Variants in AGO2 observed in about 807,000 individuals in gnomAD.
AGO2 encodes argonaute RISC catalytic component 2.
Under a neutral mutation model 102.3 loss-of-function variants are expected in AGO2, and 5 were observed. The observed-to-expected ratio is 0.05, with a 90% CI of 0.03 to 0.10. The LOEUF is 0.10. Ranked by LOEUF, AGO2 falls within the 10% of genes least tolerant of loss-of-function variation. AGO2 has a pLI of 1.00. For synonymous variants in AGO2, 449 were observed against 473.1 expected, an observed-to-expected ratio of 0.95 and a Z score of 0.66; for missense variants, 541 against 1,183.7, an observed-to-expected ratio of 0.46 and a Z score of 7.97.
At chr8:140,610,670 AC>A (rs1451500552) in intron 1 of AGO2, among the ~76,000 whole-genome samples, 1 of 152,240 alleles carries the variant, frequency 6.6e-6, no homozygotes, top group African/African-American at 2.4e-5. Flanking sequence ...AAAAGAGAAC[AC>A]GGGCCCAGCC....
rs2073177586 is a variant in AGO2, at chr8:140,560,317, A to AC, written c.655+56dup. ...ATGCCACCCCCCGACCGGGGTCCTGACCCCCCAGCCCATGCCCAACCCTGC... is the reference window on the plus strand; with the variant it reads ...ATGCCACCCCCCGACCGGGGTCCTGACCCCCCCAGCCCATGCCCAACCCTGC... On this transcript the variant is annotated intron_variant, in intron 5 of 18. Transcript: ENST00000220592. The AC allele has an allele frequency of 3.8e-6, 6 of 1,580,690 alleles. No individual in the cohort carries two copies. The African/African-American group carries it at 4.1e-5, about 11-fold the overall frequency.
In AGO2 at chr8:140,544,323, C is replaced by A; in HGVS notation, c.1749-20G>T. 2 of 1,591,214 alleles carry A rather than the reference C, an allele frequency of 1.3e-6. No individual in the cohort carries two copies. The highest frequency in any genetic ancestry group is 1.7e-6 in the Non-Finnish European group (2 of 1,171,030). ...GGCGGCCTGCGGAGAGGAGTGGCGT[C>A]AGGGGCCACGGTGAGACACGCCTGG... is the stretch of plus-strand genomic sequence containing the variant. On this transcript the variant is annotated intron_variant, in intron 13 of 18. Coordinates refer to ENST00000220592, the MANE Select transcript of AGO2 (RefSeq NM_012154.5).
Position 140,531,648 on chromosome 8 carries a change from T to A in AGO2, c.*396A>T. ...TGTGTTGCTTTCACTCTCAGAAGAT[T>A]CACAGCTAGTTTGAGCCCATCAATT... On this transcript the variant is annotated 3_prime_UTR_variant, in exon 19 of 19. Transcript: ENST00000220592. 6.0e-6 allele frequency: 1 copy of A among 165,708 alleles called. No individual in the cohort carries two copies. The highest frequency in any genetic ancestry group is 1.4e-4 in the South Asian group (1 of 7,038). The allele number at this position is 165,708 out of a possible 1,614,324, so 10.3% of individuals were successfully genotyped here.
At position 140,541,208 on chromosome 8, in the gene AGO2, T is replaced by A. The variant is rs1205406462; in HGVS notation, c.1990A>T (p.Ile664Phe). 6.3e-7 allele frequency: 1 copy of A among 1,596,892 alleles called. No homozygotes were observed. The change falls in exon 15 of 19, where the codon ATC (isoleucine) becomes TTC (phenylalanine). Residue 664 changes from isoleucine to phenylalanine, a missense_variant. Physicochemically the swap from Ile to Phe is conservative, Grantham distance 21 (BLOSUM62 0). Coordinates refer to ENST00000220592, the MANE Select transcript of AGO2 (RefSeq NM_012154.5). ...GAGACACCGTCGCGGTAGAAGATGA[T>A]GCGGGTGGGCTTGAAGCGCGTGGAC... ...YKSTRFKPTR[I>F]IFYRDGVSEG... is the part of the protein sequence containing the mutation.
intron 14 of AGO2, among the ~76,000 whole-genome samples, chr8:140,543,112 G>A (rs185702030): frequency 1.2e-4 from 18 of 152,140 alleles, no homozygotes; most frequent in African/African-American, 3.9e-4. Context: ...AATCCAGCCC[G>A]GGTGACAGTT....
In AGO2 at chr8:140,552,719, C is replaced by G. The variant is rs149612765; in HGVS notation, c.1270-1283G>C. Among the ~76,000 whole-genome samples the G allele has an allele frequency of 3.4e-3, 516 of 149,968 alleles. 3 individuals carry two copies. Among genetic ancestry groups the G allele is most frequent in the African/African-American group, 0.012 (477 of 40,994 alleles). ...ATGCACTCACATGCACATGAACACA[C>G]GCACATGCACGCGCGCGCGCGCACA... On this transcript the variant is annotated intron_variant, in intron 10 of 18. Transcript: ENST00000220592.
At chr8:140,549,009 A>G in intron 12 of AGO2, 105 bp downstream of exon 12, 2 of 1,378,856 alleles carry the variant, frequency 1.5e-6, no homozygotes, top group South Asian at 1.4e-5. Flanking sequence ...GCCCAAAAGG[A>G]GCACCTTTCT....
At chr8:140,580,807 G>T (rs944133407) in intron 2 of AGO2, among the ~76,000 whole-genome samples, 2 of 152,220 alleles carry the variant, frequency 1.3e-5, no homozygotes, top group African/African-American at 4.8e-5. Flanking sequence ...GGGCCTAAAG[G>T]TTCCTCCGTC....
intron 10 of AGO2, among the ~76,000 whole-genome samples, chr8:140,554,365 C>G (rs1198145926): frequency 6.6e-6 from 1 of 152,100 alleles, no homozygotes; most frequent in Non-Finnish European, 1.5e-5. Context: ...TGCCCACCAC[C>G]AGGGACACAG....
chr8:140,605,904 T>A (rs2073992435), intron 1 of AGO2: 1 of 152,200 alleles, frequency 6.6e-6, no homozygotes, highest in Non-Finnish European at 1.5e-5. Flanking sequence ...AATGGACAAG[T>A]CAGTTAGTAC....
In AGO2 at chr8:140,530,313, G is replaced by C. The variant is rs920738810; in HGVS notation, c.*1731C>G. On this transcript the variant is annotated 3_prime_UTR_variant, in exon 19 of 19. Transcript: ENST00000220592. ...AAAGCAGCTGAGCACAAAGGTGGGGGGGGGGGTGCCGCTGAGCAGGAGGCA... is the reference window on the plus strand; with the variant it reads ...AAAGCAGCTGAGCACAAAGGTGGGGCGGGGGGTGCCGCTGAGCAGGAGGCA... The C allele has an allele frequency of 9.2e-5, 14 of 152,348 alleles. No homozygotes were observed. In the East Asian group the frequency reaches 1.9e-3, roughly 21 times the overall value. The allele number at this position is 152,348 out of a possible 1,614,324, so 9.4% of individuals were successfully genotyped here.
intron 1 of AGO2, among the ~76,000 whole-genome samples, chr8:140,595,133 C>T (rs1456820038): frequency 1.3e-5 from 2 of 151,972 alleles, no homozygotes; most frequent in Non-Finnish European, 2.9e-5. Flanking sequence ...AATACCCAGG[C>T]GTCTACACAC....
chr8:140,603,923 C>G (rs1359044913), intron 1 of AGO2, among the ~76,000 whole-genome samples: 1 of 152,248 alleles, frequency 6.6e-6, no homozygotes, highest in East Asian at 1.9e-4. Flanking sequence ...CCAGCTGCTT[C>G]TGCTGTGCCC....
At chr8:140,565,110 G>A (rs534087972) in intron 3 of AGO2, among the ~76,000 whole-genome samples, 6 of 149,560 alleles carry the variant, frequency 4.0e-5, no homozygotes, top group Admixed American at 2.7e-4. Context: ...CAGCTTGGGC[G>A]ACAAGAGTGA....
intron 6 of AGO2, among the ~76,000 whole-genome samples, chr8:140,558,831 C>A (rs982351424): frequency 6.6e-6 from 1 of 152,202 alleles, no homozygotes; most frequent in African/African-American, 2.4e-5. Context: ...GTTCTGCGCC[C>A]CCCATGGGTC....
Position 140,613,417 on chromosome 8 carries a change from T to G in AGO2, c.22+22068A>C, listed in dbSNP as rs12546933. On this transcript the variant is annotated intron_variant, in intron 1 of 18. Coordinates refer to ENST00000220592, the MANE Select transcript of AGO2 (RefSeq NM_012154.5). Reference sequence around the variant, plus strand: ...TTTAATATAATGACATGTTGTTGTATCAAATGTTTTTTAAACTCCTGTTTT... The same window carrying G: ...TTTAATATAATGACATGTTGTTGTAGCAAATGTTTTTTAAACTCCTGTTTT... Among the ~76,000 whole-genome samples the G allele has an allele frequency of 6.5e-3, 992 of 152,342 alleles. 9 individuals carry two copies. Among genetic ancestry groups the G allele is most frequent in the Middle Eastern group, 0.041 (12 of 294 alleles).
chr8:140,641,044 C>G, the AGO2 span, among the ~76,000 whole-genome samples: 208 of 152,078 alleles, frequency 1.4e-3, 6 homozygotes, highest in Admixed American at 0.014. Flanking sequence ...ACCTGTAATC[C>G]CAGCACTTTG....
chr8:140,641,295 A>AACACAC, the AGO2 span, among the ~76,000 whole-genome samples: 888 of 146,966 alleles, frequency 6.0e-3, 13 homozygotes, highest in African/African-American at 0.018. Context: ...GCTGTCTCAA[A>AACACAC]ACACACACAC....
intron 1 of AGO2, among the ~76,000 whole-genome samples, chr8:140,614,318 C>G (rs180818358): frequency 2.6e-5 from 4 of 152,004 alleles, no homozygotes; most frequent in Non-Finnish European, 5.9e-5. Context: ...AGTGAGACTC[C>G]GTCTCAAAAC....
Sources: gnomAD v4.1 joint callset for allele counts (sites outside exome capture counted in the v4.1 genomes callset) on GRCh38, gnomAD v4.1.1 for gene constraint, MANE v1.5 for transcripts, NCBI Gene and HGNC (gene_info 2026-07-23, HGNC 2026-07-21) for gene names.